Variants in PLXDC2 observed in about 807,000 individuals in gnomAD.
The protein encoded by PLXDC2 is plexin domain containing 2.
PLXDC2 carries 40 observed loss-of-function variants against 68.9 expected under a neutral mutation model. That is an observed-to-expected ratio of 0.58 (90% confidence interval 0.45 to 0.76). PLXDC2 has a LOEUF of 0.76. Ranked by LOEUF, PLXDC2 falls within the 30% of genes least tolerant of loss-of-function variation. The probability of loss-of-function intolerance (pLI) is 0.00; values close to 1 mark genes in which losing one functional copy is unlikely to be tolerated. For missense variants in PLXDC2, 644 were observed against 661.9 expected (o/e 0.97, Z 0.30); for synonymous variants, 243 against 234.2 (o/e 1.04, Z -0.34).
chr10:20,219,315 A>G lies in PLXDC2; in HGVS notation c.1312+213A>G, dbSNP rs190628617. On this transcript the variant is annotated intron_variant, in intron 12 of 13. Transcript: ENST00000377252. ...GTTTGTGTATAAAACTGTGACACCAATTCCCAATGATAAAGTGGAAAATTC... is the reference window on the plus strand; with the variant it reads ...GTTTGTGTATAAAACTGTGACACCAGTTCCCAATGATAAAGTGGAAAATTC... 2.8e-3 allele frequency among the ~76,000 whole-genome samples: 419 copies of G among 152,290 alleles called. 3 individuals are homozygous for G. Among genetic ancestry groups the G allele is most frequent in the Admixed American group, 5.2e-3 (80 of 15,286 alleles).
chr10:19,818,163 GGAAAA>G (rs1836391515), intron 1 of PLXDC2, among the ~76,000 whole-genome samples: 1 of 151,156 alleles, frequency 6.6e-6, no homozygotes, highest in African/African-American at 2.4e-5. Flanking sequence ...AAACTTGGAG[GGAAAA>G]GAAAAGAAAA....
chr10:20,010,126 T>G (rs1835087264), intron 2 of PLXDC2, among the ~76,000 whole-genome samples: 1 of 152,314 alleles, frequency 6.6e-6, no homozygotes, highest in South Asian at 2.1e-4. Context: ...ATTGCAGGTC[T>G]CTGTCATTGC....
intron 2 of PLXDC2, among the ~76,000 whole-genome samples, chr10:20,021,000 A>G (rs1400645501): frequency 6.6e-6 from 1 of 152,206 alleles, no homozygotes; most frequent in Non-Finnish European, 1.5e-5. Flanking sequence ...TTCCTGTCTG[A>G]ATAGCAAACA....
At chr10:20,223,185 A>C (rs980890211) in intron 12 of PLXDC2, among the ~76,000 whole-genome samples, 4 of 152,200 alleles carry the variant, frequency 2.6e-5, no homozygotes, top group Non-Finnish European at 5.9e-5. Context: ...ACAAGGAAAC[A>C]GAGGTACAAA....
chr10:19,948,564 A>G (rs1183376144), intron 1 of PLXDC2, among the ~76,000 whole-genome samples: 1 of 151,936 alleles, frequency 6.6e-6, no homozygotes, highest in Non-Finnish European at 1.5e-5. Context: ...GTTTCAATGG[A>G]AAACTATGTC....
At chr10:20,011,068 T>C (rs1835105473) in intron 2 of PLXDC2, among the ~76,000 whole-genome samples, 1 of 152,214 alleles carries the variant, frequency 6.6e-6, no homozygotes, top group Non-Finnish European at 1.5e-5. Flanking sequence ...AAAATTATAG[T>C]TCAGCCCCAA....
chr10:20,036,410 G>A (rs7078807), intron 2 of PLXDC2, among the ~76,000 whole-genome samples: 1 of 152,008 alleles, frequency 6.6e-6, no homozygotes, highest in Non-Finnish European at 1.5e-5. Flanking sequence ...CTGGAATCTC[G>A]ATCTTGGACT....
intron 1 of PLXDC2, among the ~76,000 whole-genome samples, chr10:19,962,746 G>A (rs2131604101): frequency 6.7e-6 from 1 of 148,954 alleles, no homozygotes; most frequent in South Asian, 2.1e-4. Flanking sequence ...AGCACTTTGG[G>A]AGGCCGAGGC....
rs71388875 is a variant in PLXDC2 at position 19,890,521 on chromosome 10, C to CTT, written c.112+73339_112+73340dup. 3.6e-3 allele frequency among the ~76,000 whole-genome samples: 510 copies of CTT among 140,446 alleles called. 7 individuals are homozygous for CTT. Among genetic ancestry groups the CTT allele is most frequent in the East Asian group, 0.031 (146 of 4,730 alleles). The allele number at this position is 140,446 out of a possible 152,430, so 92.1% of individuals were successfully genotyped here. A position where few individuals can be genotyped will look rare whatever the true frequency, so the allele number is the denominator to read the frequency against. On this transcript the variant is annotated intron_variant, in intron 1 of 13. Coordinates refer to ENST00000377252, the MANE Select transcript of PLXDC2 (RefSeq NM_032812.9). ...GCAGTATTTGGTTTTCTGAGAACTG[C>CTT]TTTTTTTTTTCTGAGACGGGGTTTT...
chr10:20,015,725 A>G (rs1337037045), intron 2 of PLXDC2, among the ~76,000 whole-genome samples: 2 of 152,140 alleles, frequency 1.3e-5, no homozygotes, highest in African/African-American at 4.8e-5. Flanking sequence ...GAAAAGATAG[A>G]GAGAGGATAC....
intron 4 of PLXDC2, among the ~76,000 whole-genome samples, chr10:20,106,479 A>G (rs1833492069): frequency 6.6e-6 from 1 of 152,136 alleles, no homozygotes; most frequent in South Asian, 2.1e-4. Context: ...CTGGCCTGTG[A>G]TATCCCTTGA....
intron 1 of PLXDC2, among the ~76,000 whole-genome samples, chr10:19,821,017 T>C (rs1335926854): frequency 6.6e-6 from 1 of 151,972 alleles, no homozygotes; most frequent in African/African-American, 2.4e-5. Context: ...GAGGCGGAGA[T>C]AGCAGCGAGC....
chr10:19,911,912 G>A (rs950746810), intron 1 of PLXDC2, among the ~76,000 whole-genome samples: 3 of 152,164 alleles, frequency 2.0e-5, no homozygotes, highest in Non-Finnish European at 4.4e-5. Flanking sequence ...TTCTATGTAA[G>A]CAAATTGTTT....
intron 1 of PLXDC2, among the ~76,000 whole-genome samples, chr10:19,888,948 T>C (rs1015268694): frequency 7.2e-5 from 11 of 152,192 alleles, no homozygotes; most frequent in South Asian, 4.1e-4. Flanking sequence ...TCAACTCTTA[T>C]GAACATTAAT....
In PLXDC2 at chr10:20,177,055, A is replaced by C. The variant is rs1834537380; in HGVS notation, c.940A>C (p.Ile314Leu). ...CCGAGTAGAGCTACAAATGTCAAAA[A>C]TTACCAACATTTCGGCTGTGGAGAT... ...YHRVELQMSK[I>L]TNISAVEMTP... Residue 314 changes from isoleucine to leucine, a missense_variant, in exon 8 of 14, where the codon ATT becomes CTT. Ile to Leu is a conservative substitution (Grantham distance 5, BLOSUM62 2). This residue lies in a region of PLXDC2 where 330 missense variants were observed against 327.9 expected (regional missense o/e 1.01). Transcript: ENST00000377252. 6.8e-6 allele frequency: 11 copies of C among 1,612,232 alleles called. No individual in the cohort carries two copies. The East Asian group carries it at 2.5e-4, about 36-fold the overall frequency.
At chr10:20,061,172 A>G (rs1465838352) in intron 3 of PLXDC2, among the ~76,000 whole-genome samples, 1 of 152,204 alleles carries the variant, frequency 6.6e-6, no homozygotes, top group Non-Finnish European at 1.5e-5. Flanking sequence ...CATGGGCTTT[A>G]TTCCAATTTT....
At chr10:20,231,344 A>C (rs1470347667) in intron 12 of PLXDC2, among the ~76,000 whole-genome samples, 3 of 151,046 alleles carry the variant, frequency 2.0e-5, no homozygotes, top group African/African-American at 7.3e-5. Context: ...AAATTACAAA[A>C]TATTTTGATG....
At chr10:19,872,026 G>A (rs549221877) in intron 1 of PLXDC2, among the ~76,000 whole-genome samples, 2 of 152,044 alleles carry the variant, frequency 1.3e-5, no homozygotes, top group Admixed American at 1.3e-4. Flanking sequence ...GGCATGTTAG[G>A]CACTTAATAA....
chr10:20,039,449 T>G (rs1273767268), intron 2 of PLXDC2, among the ~76,000 whole-genome samples: 1 of 152,192 alleles, frequency 6.6e-6, no homozygotes, highest in Non-Finnish European at 1.5e-5. Flanking sequence ...TAATGGAAAT[T>G]TATATATCAG....
Sources: allele counts gnomAD v4.1 joint callset (sites outside exome capture counted in the v4.1 genomes callset), GRCh38; gene constraint gnomAD v4.1.1; regional missense constraint gnomAD v4.1.1; transcripts MANE v1.5; gene names NCBI Gene and HGNC (gene_info 2026-07-23, HGNC 2026-07-21).